RFX2: variants seen among roughly 807,000 people sequenced by gnomAD.
The protein encoded by RFX2 is regulatory factor X2, also known as DNA-binding protein RFX2.
In RFX2, 20 loss-of-function variants were observed where a neutral mutation model predicts 87.8. The ratio of observed to expected loss-of-function variants is 0.23; its 90% confidence interval spans 0.16 to 0.33. The LOEUF (loss-of-function observed/expected upper bound fraction) is 0.33. Among genes scored for constraint, RFX2 ranks in the 10% least tolerant of loss-of-function variants. The pLI, the probability that RFX2 is intolerant of heterozygous loss-of-function variation, is 1.00. For missense variants in RFX2, 767 were observed against 1,012.3 expected (o/e 0.76, Z 3.29); for synonymous variants, 397 against 431.3 (o/e 0.92, Z 0.98).
In RFX2 at chr19:6,024,074, C is replaced by A. The variant is rs981556373; in HGVS notation, c.597+2089G>T. On this transcript the variant is annotated intron_variant, in intron 6 of 17. Transcript: ENST00000303657. This position sits in a 1 kb window ranked among gnomAD's most constrained non-coding sequence, Gnocchi z 5.0. ...GGATTACAGGCGTGAGCCACCGTGC[C>A]CAGCCCATTTTCCCATAGACATTTT... 5.3e-5 allele frequency among the ~76,000 whole-genome samples: 8 copies of A among 152,204 alleles called. No homozygotes were observed. The highest frequency in any genetic ancestry group is 4.6e-4 in the Admixed American group (7 of 15,280).
At chr19:6,006,161 CACTT>C (rs1209908115) in intron 12 of RFX2, among the ~76,000 whole-genome samples, 1 of 152,166 alleles carries the variant, frequency 6.6e-6, no homozygotes, top group Non-Finnish European at 1.5e-5. Context: ...CAGCGGCTCT[CACTT>C]AGGGATTTTT....
At position 6,016,174 on chromosome 19, in the gene RFX2, T is replaced by G; in HGVS notation, c.695A>C (p.Lys232Thr). The G allele has an allele frequency of 6.2e-7, 1 of 1,614,132 alleles. No individual in the cohort carries two copies. The highest frequency in any genetic ancestry group is 8.5e-7 in the Non-Finnish European group (1 of 1,179,982). Residue 232 changes from lysine (K) to threonine (T), a missense_variant, in exon 7 of 18, where the codon AAG becomes ACG. Physicochemically the swap from Lys to Thr is moderately conservative, Grantham distance 78 (BLOSUM62 -1). Coordinates refer to ENST00000303657, the MANE Select transcript of RFX2 (RefSeq NM_000635.4). This position sits in a 1 kb window ranked among gnomAD's most constrained non-coding sequence, Gnocchi z 5.4. Reference protein sequence around the residue: ...NHYLRHCQEHKLDPVNAASFG... With the variant: ...NHYLRHCQEHTLDPVNAASFG... ...GGAGGCGGCGTTCACTGGGTCTAGCTTGTGCTCCTGGCAGTGCCGAAGGTA... is the reference window on the plus strand; with the variant it reads ...GGAGGCGGCGTTCACTGGGTCTAGCGTGTGCTCCTGGCAGTGCCGAAGGTA...
intron 1 of RFX2, among the ~76,000 whole-genome samples, chr19:6,059,060 G>C (rs1312376755): frequency 2.0e-5 from 3 of 151,818 alleles, no homozygotes; most frequent in Non-Finnish European, 4.4e-5. Context: ...GTTCACTACA[G>C]CCTCGACCTC....
At position 6,015,965 on chromosome 19, in the gene RFX2, G is replaced by A. The variant is rs2086720744; in HGVS notation, c.779+125C>T. 3.7e-6 allele frequency: 3 copies of A among 815,336 alleles called. No individual in the cohort carries two copies. The South Asian group carries it at 8.1e-5, about 22-fold the overall frequency. 50.5% of individuals were successfully genotyped at this position (815,336 alleles called of 1,614,324 possible). On this transcript the variant is annotated intron_variant, in intron 7 of 17. Transcript: ENST00000303657. ...TGCCGCCAATTGAAAGTAACTGCAA[G>A]CACTCCAGAGGTGGCTGCGAATCAG...
At chr19:6,032,185 G>A (rs1248774853) in intron 5 of RFX2, among the ~76,000 whole-genome samples, 16 of 152,096 alleles carry the variant, frequency 1.1e-4, no homozygotes, top group Non-Finnish European at 2.4e-4. Context: ...GCAGTGGCGC[G>A]ATCTCGGCTC....
Position 6,004,086 on chromosome 19 carries a change from C to T in RFX2, c.1500+115G>A. 2.4e-6 allele frequency: 2 copies of T among 817,216 alleles called. No homozygotes were observed. 50.6% of individuals were successfully genotyped at this position (817,216 alleles called of 1,614,324 possible). A position where few individuals can be genotyped will look rare whatever the true frequency, so the allele number is the denominator to read the frequency against. ...GGGCTTCCTGAAGGGATCGGTTACT[C>T]TCATGACGCAGGGAAGAAGCCAGCG... On this transcript the variant is annotated intron_variant, in intron 13 of 17. Transcript: ENST00000303657. This position sits in a 1 kb window ranked among gnomAD's most constrained non-coding sequence, Gnocchi z 4.8.
At chr19:6,058,461 G>A (rs975351783) in intron 1 of RFX2, among the ~76,000 whole-genome samples, 3 of 152,178 alleles carry the variant, frequency 2.0e-5, no homozygotes, top group Non-Finnish European at 4.4e-5. Context: ...AGCCAGGCAA[G>A]GAGTGTGAAA....
chr19:5,999,236 C>CAG lies in RFX2; in HGVS notation c.1860-2025_1860-2024dup, dbSNP rs2086459552. On this transcript the variant is annotated intron_variant, in intron 15 of 17. Coordinates refer to ENST00000303657, the MANE Select transcript of RFX2 (RefSeq NM_000635.4). The surrounding 1 kb of genome is among the most constrained non-coding windows in gnomAD (Gnocchi z 4.1). ...GCACCATTGCACTCCAGCCTGGTGA[C>CAG]AGAGCGAGACTCTGTCTCAAAAAAC... Among the ~76,000 whole-genome samples the CAG allele has an allele frequency of 6.6e-6, 1 of 152,124 alleles. No homozygotes were observed. The highest frequency in any genetic ancestry group is 1.5e-5 in the Non-Finnish European group (1 of 68,020).
In RFX2 at chr19:6,073,372, C is replaced by T. The variant is rs957806396; in HGVS notation, c.-8-25868G>A. 1.9e-4 allele frequency: 241 copies of T among 1,296,946 alleles called. 1 individual carries two copies. The highest frequency in any genetic ancestry group is 7.1e-4 in the South Asian group (60 of 84,792). The allele number at this position is 1,296,946 out of a possible 1,614,324, so 80.3% of individuals were successfully genotyped here. Reference sequence around the variant, plus strand: ...GCTTCCGGAAGTTCCTGGTCCCCAGCGTCAAGGAGCTGGAAGTGCTGATGT... The same window carrying T: ...GCTTCCGGAAGTTCCTGGTCCCCAGTGTCAAGGAGCTGGAAGTGCTGATGT... On this transcript the variant is annotated intron_variant, in intron 1 of 17. Transcript: ENST00000303657.
chr19:6,030,119 A>G (rs2086936386), intron 5 of RFX2, among the ~76,000 whole-genome samples: 1 of 152,230 alleles, frequency 6.6e-6, no homozygotes, highest in Admixed American at 6.5e-5. Context: ...AAAGGCATGA[A>G]TCTATACACT....
In RFX2 at chr19:6,013,191, CT is replaced by C. The variant is rs889626638; in HGVS notation, c.780-87del. ...TTGGGATTCTTTTTCTTTCTTTCTT[CT>C]TTTTTTTTTTTGAGACAGAATCTCA... On this transcript the variant is annotated intron_variant, in intron 7 of 17. Transcript: ENST00000303657. The surrounding 1 kb of genome is among the most constrained non-coding windows in gnomAD (Gnocchi z 4.1). The C allele has an allele frequency of 0.1, 99,875 of 979,644 alleles. No homozygotes were observed. Among genetic ancestry groups the C allele is most frequent in the South Asian group, 0.13 (5,738 of 44,506 alleles). The allele number at this position is 979,644 out of a possible 1,614,324, so 60.7% of individuals were successfully genotyped here. A position where few individuals can be genotyped will look rare whatever the true frequency, so the allele number is the denominator to read the frequency against.
At chr19:6,076,638 G>A (rs894137180) in intron 1 of RFX2, among the ~76,000 whole-genome samples, 2 of 152,198 alleles carry the variant, frequency 1.3e-5, no homozygotes, top group African/African-American at 4.8e-5. Context: ...GGCCAGCCCA[G>A]CACACGGAAA....
intron 12 of RFX2, 141 bp downstream of exon 12, chr19:6,006,871 C>A: frequency 2.2e-6 from 2 of 891,536 alleles, no homozygotes; most frequent in Non-Finnish European, 3.4e-6. Context: ...GGATCACTGG[C>A]ATGAGCCACC....
chr19:5,993,188 G>C lies in RFX2; in HGVS notation c.*1647C>G, dbSNP rs2145335336. 1 of 152,370 alleles carries C rather than the reference G, an allele frequency of 6.6e-6. No individual in the cohort carries two copies. Among genetic ancestry groups the C allele is most frequent in the South Asian group, 2.1e-4 (1 of 4,828 alleles). The allele number at this position is 152,370 out of a possible 1,614,324, so 9.4% of individuals were successfully genotyped here. A position where few individuals can be genotyped will look rare whatever the true frequency, so the allele number is the denominator to read the frequency against. On this transcript the variant is annotated 3_prime_UTR_variant, in exon 18 of 18. Coordinates refer to ENST00000303657, the MANE Select transcript of RFX2 (RefSeq NM_000635.4). ...CTAAGGCAGAAACCAGCTTGTATTG[G>C]TTACCAGGAGTGAGGAAAAGCCGGG...
chr19:6,077,536 C>A (rs2087709184), intron 1 of RFX2, among the ~76,000 whole-genome samples: 2 of 152,190 alleles, frequency 1.3e-5, no homozygotes, highest in Admixed American at 1.3e-4. Context: ...TAAGTGGGGT[C>A]TTTTTCCCCT....
At chr19:6,041,541 A>C (rs1294946400) in intron 4 of RFX2, among the ~76,000 whole-genome samples, 4 of 152,074 alleles carry the variant, frequency 2.6e-5, no homozygotes, top group Admixed American at 6.6e-5. Context: ...AGGGGAAAAC[A>C]CACAGGGGTG....
chr19:6,041,979 C>T (rs2087114305), intron 4 of RFX2, 65 bp downstream of exon 4: 2 of 1,320,048 alleles, frequency 1.5e-6, no homozygotes, highest in Non-Finnish European at 2.2e-6. Context: ...TTGATGCCTC[C>T]CCAGGTGGCA....
intron 1 of RFX2, among the ~76,000 whole-genome samples, chr19:6,109,897 C>T (rs1324087645): frequency 7.9e-6 from 1 of 126,876 alleles, no homozygotes; most frequent in African/African-American, 3.1e-5. Context: ...GGGGAGTAAA[C>T]GTGAGAAGAG....
At chr19:6,098,827 C>CA (rs1409324246) in intron 1 of RFX2, among the ~76,000 whole-genome samples, 2 of 152,078 alleles carry the variant, frequency 1.3e-5, no homozygotes, top group African/African-American at 4.8e-5. Context: ...TATTTGCCTA[C>CA]AAAGTGAGTA....
Sources: allele counts gnomAD v4.1 joint callset (sites outside exome capture counted in the v4.1 genomes callset), GRCh38; gene constraint gnomAD v4.1.1; non-coding constraint Gnocchi (gnomAD v3.1); transcripts MANE v1.5; gene names NCBI Gene and HGNC (gene_info 2026-07-23, HGNC 2026-07-21).